GON4L: variants seen among roughly 807,000 people sequenced by gnomAD.
GON4L encodes the protein GON-4-like protein.
A neutral mutation model predicts 211.8 loss-of-function variants in GON4L; 87 were observed. The observed-to-expected ratio is 0.41, with a 90% CI of 0.35 to 0.49. GON4L has a LOEUF of 0.49. Ranked by LOEUF, GON4L falls within the 20% of genes least tolerant of loss-of-function variation. GON4L has a pLI of 0.15. For synonymous variants in GON4L, 875 were observed against 962.6 expected, an observed-to-expected ratio of 0.91 and a Z score of 1.68; for missense variants, 2,155 against 2,659.5, an observed-to-expected ratio of 0.81 and a Z score of 4.17.
intron 2 of GON4L, among the ~76,000 whole-genome samples, chr1:155,830,402 C>A (rs1192749742): frequency 6.6e-6 from 1 of 151,710 alleles, no homozygotes; most frequent in African/African-American, 2.4e-5. Flanking sequence ...CTCAGCCTCC[C>A]GAGTGGCTGG....
chr1:155,785,314 A>T lies in GON4L; in HGVS notation c.1788+20T>A. The T allele has an allele frequency of 6.7e-7, 1 of 1,493,582 alleles. No individual in the cohort carries two copies. Among genetic ancestry groups the T allele is most frequent in the Non-Finnish European group, 9.3e-7 (1 of 1,069,762 alleles). 92.5% of individuals were successfully genotyped at this position (1,493,582 alleles called of 1,614,324 possible). The stretch of plus-strand genomic sequence containing the variant: ...AACTGACTTAAAATCCCGTGTTCTC[A>T]CTCGAGGATCATTACTCACAGTTTC... On this transcript the variant is annotated intron_variant, in intron 13 of 31. Coordinates refer to ENST00000368331, the MANE Select transcript of GON4L (RefSeq NM_001282860.2).
At chr1:155,756,875 G>A in intron 27 of GON4L, 83 bp downstream of exon 27, 1 of 1,016,994 alleles carries the variant, frequency 9.8e-7, no homozygotes, top group Non-Finnish European at 1.5e-6. Context: ...GTTGCAGTGA[G>A]CCAAGATTAC....
intron 10 of GON4L, among the ~76,000 whole-genome samples, chr1:155,812,291 T>C (rs774266623): frequency 6.6e-6 from 1 of 151,998 alleles, no homozygotes; most frequent in Non-Finnish European, 1.5e-5. Context: ...AGAGGAAATA[T>C]TAGAAAAATA....
chr1:155,748,722 C>A (rs1314348303), downstream of GON4L: 2 of 1,613,998 alleles, frequency 1.2e-6, no homozygotes, highest in Non-Finnish European at 1.7e-6. Flanking sequence ...ATGTGGGGAG[C>A]CTTCTGGAAC....
chr1:155,825,383 G>C (rs190242837), intron 3 of GON4L, among the ~76,000 whole-genome samples: 14 of 151,458 alleles, frequency 9.2e-5, no homozygotes, highest in African/African-American at 3.2e-4. Context: ...GACCAGCCTG[G>C]CCAACATGGT....
At chr1:155,768,867 C>T (rs879898783) in intron 19 of GON4L, among the ~76,000 whole-genome samples, 4 of 152,152 alleles carry the variant, frequency 2.6e-5, no homozygotes, top group African/African-American at 7.2e-5. Context: ...TAGTTTCATC[C>T]GTGGTGCTAA....
At chr1:155,758,749 C>G (rs1344717170) in intron 24 of GON4L, among the ~76,000 whole-genome samples, 1 of 152,102 alleles carries the variant, frequency 6.6e-6, no homozygotes, top group Non-Finnish European at 1.5e-5. Flanking sequence ...TGCGGTCATG[C>G]ATGCCTGTAA....
chr1:155,848,843 T>C (rs1671490906), intron 2 of GON4L, among the ~76,000 whole-genome samples: 1 of 152,074 alleles, frequency 6.6e-6, no homozygotes, highest in African/African-American at 2.4e-5. Context: ...ACTGCAATGG[T>C]TTACTAAAAC....
At chr1:155,814,499 C>A (rs374295216) in intron 8 of GON4L, 50 bp from the exon 9 acceptor site, 1 of 1,583,826 alleles carries the variant, frequency 6.3e-7, no homozygotes, top group East Asian at 2.2e-5. Context: ...TACCTCATTC[C>A]ACAAAGTCTG....
intron 14 of GON4L, among the ~76,000 whole-genome samples, chr1:155,780,099 A>G (rs970770116): frequency 2.0e-5 from 3 of 151,834 alleles, no homozygotes; most frequent in Non-Finnish European, 4.4e-5. Flanking sequence ...GCACCCAGCC[A>G]GGAAGAGGAA....
intron 17 of GON4L, among the ~76,000 whole-genome samples, chr1:155,774,402 G>C (rs539374466): frequency 7.3e-5 from 11 of 151,368 alleles, no homozygotes; most frequent in Non-Finnish European, 1.6e-4. Context: ...TCTGCCTCCT[G>C]GGTTCAAGCG....
At chr1:155,799,943 G>A (rs1277486609) in intron 11 of GON4L, among the ~76,000 whole-genome samples, 1 of 152,246 alleles carries the variant, frequency 6.6e-6, no homozygotes, top group Non-Finnish European at 1.5e-5. Context: ...GCTCATGCCT[G>A]TAGTCCCAGA....
chr1:155,811,872 G>C (rs770464217), intron 10 of GON4L, among the ~76,000 whole-genome samples: 1 of 149,592 alleles, frequency 6.7e-6, no homozygotes, highest in Non-Finnish European at 1.5e-5. Flanking sequence ...CTAACACAGT[G>C]AAACTCCATT....
intron 2 of GON4L, among the ~76,000 whole-genome samples, chr1:155,833,219 T>G (rs572171476): frequency 6.6e-6 from 1 of 152,180 alleles, no homozygotes; most frequent in South Asian, 2.1e-4. Flanking sequence ...TATGAACCCA[T>G]AGTTATTTAT....
intron 3 of GON4L, among the ~76,000 whole-genome samples, chr1:155,824,408 T>C (rs1228168810): frequency 8.6e-6 from 1 of 116,574 alleles, no homozygotes; most frequent in Non-Finnish European, 1.6e-5. Flanking sequence ...CACTCCAGCC[T>C]GGGTGACGAG....
intron 2 of GON4L, among the ~76,000 whole-genome samples, chr1:155,848,566 T>C (rs570242458): frequency 2.0e-5 from 3 of 152,322 alleles, no homozygotes; most frequent in Non-Finnish European, 2.9e-5. Context: ...GAATATGTTA[T>C]TCTACTTCCA....
chr1:155,812,466 A>T (rs561659586), intron 10 of GON4L, among the ~76,000 whole-genome samples: 9 of 152,182 alleles, frequency 5.9e-5, no homozygotes, highest in Non-Finnish European at 1.0e-4. Context: ...GGAAAAAAAA[A>T]TTTTTTTCCT....
intron 10 of GON4L, among the ~76,000 whole-genome samples, chr1:155,813,223 G>C (rs1557890014): frequency 6.6e-6 from 1 of 152,098 alleles, no homozygotes; most frequent in Non-Finnish European, 1.5e-5. Flanking sequence ...CTTGAGCCCA[G>C]GAGTTCAATA....
Position 155,804,966 on chromosome 1 carries a change from T to TAAGTCC in GON4L, c.1627_1628insGGACTT (p.Asp543delinsGlyThrTyr). 1 of 1,613,526 alleles carries TAAGTCC rather than the reference T, an allele frequency of 6.2e-7. No homozygotes were observed. Among genetic ancestry groups the TAAGTCC allele is most frequent in the Non-Finnish European group, 8.5e-7 (1 of 1,179,512 alleles). On this transcript the variant is annotated protein_altering_variant, in exon 11 of 32. Coordinates refer to ENST00000368331, the MANE Select transcript of GON4L (RefSeq NM_001282860.2). ...AAACTTACCTTCATTCCCCACATCA[T>TAAGTCC]CATTCATAAGTCCCCCCAGCCACAT...
Sources: allele counts gnomAD v4.1 joint callset (sites outside exome capture counted in the v4.1 genomes callset), GRCh38; gene constraint gnomAD v4.1.1; transcripts MANE v1.5; gene names NCBI Gene and HGNC (gene_info 2026-07-23, HGNC 2026-07-21).